The following ERC2 variants were observed in gnomAD, a reference collection of about 807,000 sequenced individuals.
ERC2 encodes the protein ELKS/RAB6-interacting/CAST family member 2, also known as ERC protein 2.
ERC2 carries 42 observed loss-of-function variants against 114.8 expected under a neutral mutation model. That is an observed-to-expected ratio of 0.37 (90% CI 0.29 to 0.47). ERC2 has a LOEUF of 0.47. ERC2 is among the 20% of genes least tolerant of loss of function. The probability of loss-of-function intolerance (pLI) is 0.99; values close to 1 mark genes in which losing one functional copy is unlikely to be tolerated. For missense variants in ERC2, 939 were observed against 1,150.7 expected (o/e 0.82, Z 2.66); for synonymous variants, 454 against 425.5 (o/e 1.07, Z -0.82).
At chr3:55,896,418 C>G (rs773921763) in intron 13 of ERC2, among the ~76,000 whole-genome samples, 9 of 152,170 alleles carry the variant, frequency 5.9e-5, no homozygotes, top group Non-Finnish European at 1.2e-4. Flanking sequence ...TAGAAAAATG[C>G]TAGTTGGAGA....
intron 15 of ERC2, among the ~76,000 whole-genome samples, chr3:55,732,102 C>A (rs2065286931): frequency 6.6e-6 from 1 of 152,040 alleles, no homozygotes; most frequent in Non-Finnish European, 1.5e-5. Flanking sequence ...ATTCCACACC[C>A]TGAGCCTCAG....
At chr3:55,683,579 G>A (rs1374274854) in intron 17 of ERC2, among the ~76,000 whole-genome samples, 2 of 152,080 alleles carry the variant, frequency 1.3e-5, no homozygotes, top group East Asian at 3.9e-4. Flanking sequence ...CCCCAACAAG[G>A]CAGAGCAGTA....
intron 14 of ERC2, among the ~76,000 whole-genome samples, chr3:55,769,152 T>G (rs777287370): frequency 2.8e-4 from 43 of 152,336 alleles, no homozygotes; most frequent in Admixed American, 4.6e-4. Flanking sequence ...CAAAGGTGGC[T>G]GGTAAATATA....
In ERC2 at chr3:56,340,303, A is replaced by C. The variant is rs867293694; in HGVS notation, c.658-43868T>G. On this transcript the variant is annotated intron_variant, in intron 2 of 17. Coordinates refer to ENST00000288221, the MANE Select transcript of ERC2 (RefSeq NM_015576.3). ...TAGCTTAAAATTAAATAAAGATAAC[A>C]ATGTTAAAATGTGTTTAAAACACAG... 2.0e-5 allele frequency among the ~76,000 whole-genome samples: 3 copies of C among 152,338 alleles called. No homozygotes were observed. In the South Asian group the frequency reaches 6.2e-4, roughly 32 times the overall value.
intron 3 of ERC2, among the ~76,000 whole-genome samples, chr3:56,218,124 C>A (rs2049620299): frequency 6.6e-6 from 1 of 152,122 alleles, no homozygotes; most frequent in Non-Finnish European, 1.5e-5. Context: ...GCAACAAAAG[C>A]CAAAATTGAC....
intron 15 of ERC2, among the ~76,000 whole-genome samples, chr3:55,726,548 C>T (rs1450520364): frequency 6.6e-6 from 1 of 152,220 alleles, no homozygotes; most frequent in Admixed American, 6.5e-5. Context: ...GTAGGTGGCT[C>T]TCCTGAACAC....
chr3:56,423,550 C>A (rs1377899366), intron 2 of ERC2, among the ~76,000 whole-genome samples: 1 of 152,222 alleles, frequency 6.6e-6, no homozygotes, highest in African/African-American at 2.4e-5. Flanking sequence ...TGGAGACAAA[C>A]GAGACAGCTC....
At chr3:56,031,040 AG>A (rs1297633998) in intron 7 of ERC2, among the ~76,000 whole-genome samples, 1 of 151,954 alleles carries the variant, frequency 6.6e-6, no homozygotes, top group Non-Finnish European at 1.5e-5. Flanking sequence ...TCACCAGGCT[AG>A]CCCCTGTGGG....
At chr3:56,311,249 C>A (rs375452932) in intron 2 of ERC2, among the ~76,000 whole-genome samples, 9,466 of 34,974 alleles carry the variant, frequency 0.27, 517 homozygotes, top group Admixed American at 0.33. Context: ...CTCTCTCTCT[C>A]TCTCTCTATA....
intron 13 of ERC2, among the ~76,000 whole-genome samples, chr3:55,891,563 C>T (rs748575921): frequency 2.7e-5 from 4 of 150,122 alleles, no homozygotes; most frequent in Non-Finnish European, 5.9e-5. Context: ...TCTCCTGCCT[C>T]AGCCTCCTGA....
At position 55,882,185 on chromosome 3, in the gene ERC2, T is replaced by TA. The variant is rs1372350038; in HGVS notation, c.2564+6203dup. Among the ~76,000 whole-genome samples the TA allele has an allele frequency of 3.9e-5, 6 of 151,956 alleles. 1 individual carries two copies. In the South Asian group the frequency reaches 1.2e-3, roughly 32 times the overall value. ...TAGTTTCCCTGAAAGAGCTGATTGT[T>TA]AAAAAGAGCATGGCTCTTTCCCTCA... On this transcript the variant is annotated intron_variant, in intron 14 of 17. Transcript: ENST00000288221.
At chr3:56,392,774 T>C (rs1233247311) in intron 2 of ERC2, among the ~76,000 whole-genome samples, 1 of 152,200 alleles carries the variant, frequency 6.6e-6, no homozygotes, top group Non-Finnish European at 1.5e-5. Flanking sequence ...GTGGTTGTGG[T>C]AAAGGATCTC....
At chr3:56,421,248 G>T (rs2061378267) in intron 2 of ERC2, among the ~76,000 whole-genome samples, 1 of 152,204 alleles carries the variant, frequency 6.6e-6, no homozygotes, top group South Asian at 2.1e-4. Context: ...GATTCGTCTT[G>T]GTCCTCCTAA....
chr3:56,217,139 G>A lies in ERC2; in HGVS notation c.1075-43619C>T, dbSNP rs532773368. Among the ~76,000 whole-genome samples the A allele has an allele frequency of 3.3e-5, 5 of 152,276 alleles. 1 individual carries two copies. Among genetic ancestry groups the A allele is most frequent in the South Asian group, 4.1e-4 (2 of 4,826 alleles). Reference sequence around the variant, plus strand: ...AACATAGTGTTGGAAGTTCTGGCCAGGGCAATCAGTCAGGAGAAGGAAATA... The same window carrying A: ...AACATAGTGTTGGAAGTTCTGGCCAAGGCAATCAGTCAGGAGAAGGAAATA... On this transcript the variant is annotated intron_variant, in intron 3 of 17. Coordinates refer to ENST00000288221, the MANE Select transcript of ERC2 (RefSeq NM_015576.3).
chr3:56,027,096 C>G (rs2074100517), intron 7 of ERC2, among the ~76,000 whole-genome samples: 1 of 152,188 alleles, frequency 6.6e-6, no homozygotes, highest in African/African-American at 2.4e-5. Flanking sequence ...GCTTTTTTCA[C>G]TCTGCATAAT....
intron 1 of ERC2, among the ~76,000 whole-genome samples, chr3:56,439,565 G>T (rs1012080154): frequency 6.6e-6 from 1 of 152,130 alleles, no homozygotes; most frequent in African/African-American, 2.4e-5. Flanking sequence ...TCATTAAAAC[G>T]TCCCTTCACA....
At chr3:55,639,090 T>A (rs1381694050) in intron 17 of ERC2, among the ~76,000 whole-genome samples, 2 of 152,198 alleles carry the variant, frequency 1.3e-5, no homozygotes, top group African/African-American at 4.8e-5. Context: ...GCTATCTAAC[T>A]CTGCATATGT....
At chr3:56,103,993 A>G (rs930018075) in intron 6 of ERC2, among the ~76,000 whole-genome samples, 2 of 152,210 alleles carry the variant, frequency 1.3e-5, no homozygotes, top group African/African-American at 4.8e-5. Flanking sequence ...GTATCAATGC[A>G]CTGTAAACAA....
At chr3:56,340,756 A>G (rs1013889771) in intron 2 of ERC2, among the ~76,000 whole-genome samples, 1 of 152,142 alleles carries the variant, frequency 6.6e-6, no homozygotes, top group African/African-American at 2.4e-5. Context: ...CAAATACTCA[A>G]CAGACATCTT....
Sources: allele counts gnomAD v4.1 joint callset (sites outside exome capture counted in the v4.1 genomes callset), GRCh38; gene constraint gnomAD v4.1.1; transcripts MANE v1.5; gene names NCBI Gene and HGNC (gene_info 2026-07-23, HGNC 2026-07-21).